ZBTB7C: variants seen among roughly 807,000 people sequenced by gnomAD.
ZBTB7C encodes the protein zinc finger and BTB domain containing 7C, also known as zinc finger and BTB domain-containing protein 7C.
A neutral mutation model predicts 25.7 loss-of-function variants in ZBTB7C; 8 were observed. The ratio of observed to expected loss-of-function variants is 0.31; its 90% CI spans 0.18 to 0.56. The LOEUF (loss-of-function observed/expected upper bound fraction) is 0.56, where lower values mean the gene tolerates loss of function less well. Among genes scored for constraint, ZBTB7C ranks in the 20% least tolerant of loss-of-function variants. ZBTB7C has a pLI of 0.91. For synonymous variants in ZBTB7C, 394 were observed against 369.0 expected, an observed-to-expected ratio of 1.07 and a Z score of -0.78; for missense variants, 824 against 855.2, an observed-to-expected ratio of 0.96 and a Z score of 0.46.
chr18:48,100,072 T>C (rs1043658520), intron 3 of ZBTB7C, among the ~76,000 whole-genome samples: 2 of 152,146 alleles, frequency 1.3e-5, no homozygotes, highest in Non-Finnish European at 2.9e-5. Context: ...CCTTCACTCT[T>C]CTCTGTCAAC....
intron 2 of ZBTB7C, among the ~76,000 whole-genome samples, chr18:48,287,637 T>C (rs777677865): frequency 1.6e-4 from 24 of 152,154 alleles, no homozygotes; most frequent in Non-Finnish European, 3.4e-4. Context: ...ATCTCATTCA[T>C]GAATAAAGAT....
rs976412060 is a variant in ZBTB7C, at chr18:48,029,767, C to T, written c.1353G>A (p.Glu451=). 3 of 1,608,540 alleles carry T rather than the reference C, an allele frequency of 1.9e-6. No individual in the cohort carries two copies. The highest frequency in any genetic ancestry group is 4.5e-5 in the East Asian group (2 of 44,886). ...IHTGVRPYQC[E]FCYKSFTRSD... is the part of the protein sequence containing the mutation. The stretch of plus-strand genomic sequence containing the variant: ...AGCGCGTGAAGCTCTTGTAGCAGAA[C>T]TCGCACTGGTAGGGCCGCACGCCCG... Residue 451 remains glutamate (E), a synonymous_variant, in exon 5 of 5, where the codon GAG becomes GAA. Transcript: ENST00000590800.
chr18:48,140,494 A>T (rs1864131526), intron 3 of ZBTB7C, among the ~76,000 whole-genome samples: 1 of 151,846 alleles, frequency 6.6e-6, no homozygotes, highest in Admixed American at 6.6e-5. Flanking sequence ...CATCTTTGTG[A>T]CTCTGGTGAC....
At chr18:48,076,315 C>T (rs1272649575) in intron 3 of ZBTB7C, among the ~76,000 whole-genome samples, 1 of 152,152 alleles carries the variant, frequency 6.6e-6, no homozygotes, top group Non-Finnish European at 1.5e-5. Context: ...AAGGAATTGA[C>T]ACTCTTGTAG....
intron 3 of ZBTB7C, chr18:48,088,389 G>C (rs1489736780): frequency 6.6e-6 from 1 of 152,212 alleles, no homozygotes; most frequent in East Asian, 1.9e-4. Flanking sequence ...GTATGGATAA[G>C]TTTTAGGCAG....
At chr18:48,099,220 G>A (rs2038747050) in intron 3 of ZBTB7C, among the ~76,000 whole-genome samples, 1 of 152,192 alleles carries the variant, frequency 6.6e-6, no homozygotes, top group Non-Finnish European at 1.5e-5. Flanking sequence ...TAATTGCAAG[G>A]CAGGCCCTAG....
intron 3 of ZBTB7C, among the ~76,000 whole-genome samples, chr18:48,042,158 G>GTTGT (rs374181357): frequency 0.012 from 1,756 of 152,312 alleles, 25 homozygotes; most frequent in African/African-American, 0.03. Context: ...ATAGTCATGG[G>GTTGT]TTGTTTGTTA....
rs369433992 is a variant in ZBTB7C at position 48,400,076 on chromosome 18, C to A, written c.-304+9150G>T. Among the ~76,000 whole-genome samples the A allele has an allele frequency of 3.3e-5, 5 of 152,290 alleles. No individual in the cohort carries two copies. The East Asian group carries it at 9.7e-4, about 29-fold the overall frequency. On this transcript the variant is annotated intron_variant, in intron 1 of 4. Coordinates refer to ENST00000590800, the MANE Select transcript of ZBTB7C (RefSeq NM_001318841.2). ...GAGGAAGCTTCAGAATTGAAACAAT[C>A]AAAACATGTCACCTTTCAAAAGTAA...
chr18:48,198,392 G>C (rs1012183008), intron 2 of ZBTB7C, among the ~76,000 whole-genome samples: 1 of 152,196 alleles, frequency 6.6e-6, no homozygotes, highest in Non-Finnish European at 1.5e-5. Context: ...AAACCAAGTG[G>C]CATAAGACAA....
Position 48,077,062 on chromosome 18 carries a change from C to CAA in ZBTB7C, c.-16-35941_-16-35940dup, listed in dbSNP as rs10539603. 2,026 of 401,406 alleles carry CAA rather than the reference C, an allele frequency of 5.0e-3. 4 individuals are homozygous for CAA. The highest frequency in any genetic ancestry group is 9.2e-3 in the Admixed American group (111 of 12,006). The allele number at this position is 401,406 out of a possible 1,614,324, so 24.9% of individuals were successfully genotyped here. A position where few individuals can be genotyped will look rare whatever the true frequency, so the allele number is the denominator to read the frequency against. ...GAAATGCACAATATGTTGTTATATG[C>CAA]AAAAAAAAAAAAAAAAAGCATTTCC... On this transcript the variant is annotated intron_variant, in intron 3 of 4. Coordinates refer to ENST00000590800, the MANE Select transcript of ZBTB7C (RefSeq NM_001318841.2).
intron 2 of ZBTB7C, among the ~76,000 whole-genome samples, chr18:48,273,892 AC>A (rs2044563408): frequency 2.0e-5 from 3 of 152,084 alleles, no homozygotes; most frequent in South Asian, 4.1e-4. Context: ...TTTAAAAAAA[AC>A]AATAAGAAGG....
intron 2 of ZBTB7C, among the ~76,000 whole-genome samples, chr18:48,207,137 C>A (rs1384794201): frequency 6.6e-6 from 1 of 152,206 alleles, no homozygotes; most frequent in East Asian, 1.9e-4. Flanking sequence ...AGCACTGAAG[C>A]AACCAGAATG....
chr18:48,076,842 A>T, intron 3 of ZBTB7C: 1 of 653,194 alleles, frequency 1.5e-6, no homozygotes, highest in Non-Finnish European at 1.9e-6. Flanking sequence ...TTGCAGGAGA[A>T]TGTAGTCATT....
At chr18:48,307,428 G>A (rs549718830) in intron 2 of ZBTB7C, among the ~76,000 whole-genome samples, 1 of 152,354 alleles carries the variant, frequency 6.6e-6, no homozygotes, top group South Asian at 2.1e-4. Context: ...CCAGGGACTG[G>A]TCAGGGCCCA....
At chr18:48,319,743 T>G (rs1198286172) in intron 2 of ZBTB7C, among the ~76,000 whole-genome samples, 1 of 152,202 alleles carries the variant, frequency 6.6e-6, no homozygotes, top group Non-Finnish European at 1.5e-5. Context: ...AGCTTTGTTT[T>G]GGGCAATGGG....
chr18:48,310,993 G>A (rs368516699), intron 2 of ZBTB7C, among the ~76,000 whole-genome samples: 24 of 152,306 alleles, frequency 1.6e-4, no homozygotes, highest in African/African-American at 5.8e-4. Context: ...ATTACATCAT[G>A]TGCAGTCTTT....
intron 2 of ZBTB7C, among the ~76,000 whole-genome samples, chr18:48,247,141 A>G (rs2043718354): frequency 6.6e-6 from 1 of 152,218 alleles, no homozygotes; most frequent in South Asian, 2.1e-4. Context: ...CATTCCTAAT[A>G]AAAATTTCAG....
intron 1 of ZBTB7C, among the ~76,000 whole-genome samples, chr18:48,395,435 G>A (rs1473221396): frequency 7.9e-6 from 1 of 126,816 alleles, no homozygotes; most frequent in African/African-American, 3.2e-5. Context: ...TATGAATGTG[G>A]ATGTGTGCAT....
In ZBTB7C at chr18:48,040,667, ATCT is replaced by A. The variant is rs2036195601; in HGVS notation, c.438_440del (p.Glu146del). 6.2e-7 allele frequency: 1 copy of A among 1,612,600 alleles called. No individual in the cohort carries two copies. The highest frequency in any genetic ancestry group is 8.5e-7 in the Non-Finnish European group (1 of 1,179,388). On this transcript the variant is annotated inframe_deletion, in exon 4 of 5. Coordinates refer to ENST00000590800, the MANE Select transcript of ZBTB7C (RefSeq NM_001318841.2). ...CCTCTTCGTCCTCCTCATCATCATC[ATCT>A]TCGTCGTCGTCATCGTCCTCCTTGT...
Sources: allele counts gnomAD v4.1 joint callset (sites outside exome capture counted in the v4.1 genomes callset), GRCh38; gene constraint gnomAD v4.1.1; transcripts MANE v1.5; gene names NCBI Gene and HGNC (gene_info 2026-07-23, HGNC 2026-07-21).